Variants in F13A1 observed in about 807,000 individuals in gnomAD.
F13A1 encodes the protein FSF, A subunit.
A neutral mutation model predicts 80.1 loss-of-function variants in F13A1; 47 were observed. That is an observed-to-expected ratio of 0.59 (90% CI 0.46 to 0.75). F13A1 has a LOEUF of 0.75. Among genes scored for constraint, F13A1 ranks in the 30% least tolerant of loss-of-function variants. The probability of loss-of-function intolerance (pLI) is 0.00; values close to 1 mark genes in which losing one functional copy is unlikely to be tolerated. For missense variants in F13A1, 817 were observed against 930.4 expected, an observed-to-expected ratio of 0.88 and a Z score of 1.59; for synonymous variants, 349 against 344.9, an observed-to-expected ratio of 1.01 and a Z score of -0.13.
chr6:6,305,316 T>C (rs1180831170), intron 3 of F13A1, 35 bp downstream of exon 3: 3 of 1,611,894 alleles, frequency 1.9e-6, no homozygotes, highest in Admixed American at 3.3e-5. Context: ...ATGCAACCCA[T>C]GGTGTCAAGA....
chr6:6,281,901 G>A (rs1056625766), intron 3 of F13A1, among the ~76,000 whole-genome samples: 6 of 151,222 alleles, frequency 4.0e-5, no homozygotes, highest in African/African-American at 4.9e-5. Flanking sequence ...GGCTGAGGCA[G>A]GAAAATGGTA....
rs1327212621 is a variant in F13A1 at position 6,250,350 on chromosome 6, G to T, written c.690+461C>A. Among the ~76,000 whole-genome samples the T allele has an allele frequency of 6.6e-6, 1 of 151,114 alleles. No homozygotes were observed. The highest frequency in any genetic ancestry group is 1.5e-5 in the Non-Finnish European group (1 of 67,966). ...AATCTTTCTATGTAAAAGCTCAGTG[G>T]CCCTTCCTTTGATGAAATGATAACA... On this transcript the variant is annotated intron_variant, in intron 5 of 14. Coordinates refer to ENST00000264870, the MANE Select transcript of F13A1 (RefSeq NM_000129.4). This position sits in a 1 kb window ranked among gnomAD's most constrained non-coding sequence, Gnocchi z 4.2.
rs1003905890 is a variant in F13A1 at position 6,299,991 on chromosome 6, T to A, written c.319+5360A>T. Among the ~76,000 whole-genome samples, 5 of 147,454 alleles carry A rather than the reference T, an allele frequency of 3.4e-5. No individual in the cohort carries two copies. In the South Asian group the frequency reaches 6.3e-4, roughly 18 times the overall value. On this transcript the variant is annotated intron_variant, in intron 3 of 14. Coordinates refer to ENST00000264870, the MANE Select transcript of F13A1 (RefSeq NM_000129.4). ...CAGACAGGACACTCAGCTGCAGGTC[T>A]GTTGGAGTACCCTGCCGTGTGAAGT...
intron 3 of F13A1, among the ~76,000 whole-genome samples, chr6:6,298,742 A>G (rs997902639): frequency 1.3e-5 from 2 of 149,882 alleles, no homozygotes; most frequent in African/African-American, 5.1e-5. Flanking sequence ...CATTTAGTCC[A>G]TTTACATTCA....
chr6:6,310,481 C>G (rs1674044), intron 2 of F13A1, among the ~76,000 whole-genome samples: 69,254 of 151,874 alleles, frequency 0.46, 16,817 homozygotes, highest in East Asian at 0.85. Flanking sequence ...GTGGCTGACA[C>G]CAAGTACATT....
chr6:6,283,060 G>A (rs1293516461), intron 3 of F13A1, among the ~76,000 whole-genome samples: 2 of 152,214 alleles, frequency 1.3e-5, no homozygotes, highest in African/African-American at 4.8e-5. Context: ...AATGGGATCT[G>A]TAAAAGTTAT....
rs1761307230 is a variant in F13A1 at position 6,197,219 on chromosome 6, T to G, written c.1216+4A>C. The stretch of plus-strand genomic sequence containing the variant: ...AAGTTCCCAGAGGGAGGACACAGTT[T>G]TACCATCGCTATTTTCCTGGGGGGT... On this transcript the variant is annotated splice_donor_region_variant and intron_variant, in intron 9 of 14. Coordinates refer to ENST00000264870, the MANE Select transcript of F13A1 (RefSeq NM_000129.4). 10 of 1,613,808 alleles carry G rather than the reference T, an allele frequency of 6.2e-6. No individual in the cohort carries two copies. The highest frequency in any genetic ancestry group is 1.7e-5 in the Admixed American group (1 of 60,028).
chr6:6,269,023 T>C (rs180942971), intron 3 of F13A1, among the ~76,000 whole-genome samples: 1 of 152,048 alleles, frequency 6.6e-6, no homozygotes, highest in South Asian at 2.1e-4. Flanking sequence ...TAACTTCTAC[T>C]AGAAAGTAAA....
At chr6:6,223,240 G>T (rs1307406777) in intron 7 of F13A1, among the ~76,000 whole-genome samples, 3 of 152,116 alleles carry the variant, frequency 2.0e-5, no homozygotes, top group Non-Finnish European at 4.4e-5. Context: ...TTGATTTACC[G>T]CCAAAGCCTG....
At chr6:6,159,569 G>A (rs1760537737) in intron 13 of F13A1, among the ~76,000 whole-genome samples, 1 of 152,146 alleles carries the variant, frequency 6.6e-6, no homozygotes, top group Non-Finnish European at 1.5e-5. Context: ...CTTGATGGTT[G>A]GCGAGTGGGC....
chr6:6,258,451 T>TA (rs1757731871), intron 4 of F13A1, among the ~76,000 whole-genome samples: 1 of 152,166 alleles, frequency 6.6e-6, no homozygotes, highest in Non-Finnish European at 1.5e-5. Flanking sequence ...CTTTGAAGCA[T>TA]ATAAGAGACT....
rs121913073 is a variant in F13A1, at chr6:6,224,710, C to A, written c.949G>T (p.Val317Phe). 3.1e-6 allele frequency: 5 copies of A among 1,613,932 alleles called. No individual in the cohort carries two copies. Among genetic ancestry groups the A allele is most frequent in the Non-Finnish European group, 4.2e-6 (5 of 1,179,940 alleles). The change falls in exon 7 of 15, where the codon GTT becomes TTT. Residue 317 changes from valine (V) to phenylalanine (F), a missense_variant. Coordinates refer to ENST00000264870, the MANE Select transcript of F13A1 (RefSeq NM_000129.4). ...CATGTGTTAAAGACACCAGCAAAAACCCAGCATTGGCCATACCGGACTGGA... is the reference window on the plus strand; with the variant it reads ...CATGTGTTAAAGACACCAGCAAAAAACCAGCATTGGCCATACCGGACTGGA... The part of the protein sequence containing the change: ...ENPVRYGQCW[V>F]FAGVFNTFLR...
At chr6:6,272,020 T>C (rs1240276634) in intron 3 of F13A1, among the ~76,000 whole-genome samples, 3 of 152,208 alleles carry the variant, frequency 2.0e-5, no homozygotes, top group African/African-American at 7.2e-5. Flanking sequence ...TTGATATTAG[T>C]ATTCTTCACA....
rs1760385727 is a variant in F13A1 at position 6,151,924 on chromosome 6, G to A, written c.1934C>T (p.Ser645Phe). The change falls in exon 14 of 15, where the codon TCT becomes TTT. Residue 645 changes from serine (S) to phenylalanine (F), a missense_variant. Coordinates refer to ENST00000264870, the MANE Select transcript of F13A1 (RefSeq NM_000129.4). ...AAACTCAACTGTCACAGTCATGTCA[G>A]AACCAACTACCTGAGTGCCACGGAC... ...IKVRGTQVVG[S>F]DMTVTVEFTN... The A allele has an allele frequency of 1.9e-6, 3 of 1,614,072 alleles. No homozygotes were observed. In the East Asian group the frequency reaches 6.7e-5, roughly 36 times the overall value.
rs1758723001 is a variant in F13A1 at position 6,318,623 on chromosome 6, T to A, written c.42A>T (p.Ala14=). The part of the protein sequence containing the change: ...TSRTAFGGRR[A]VPPNNSNAAE... ...CTGCATTAGAGTTATTGGGTGGAAC[T>A]GCTCTTCTGCCTCCAAAGGCGGTCC... Residue 14 remains alanine (A), a synonymous_variant, in exon 2 of 15, where the codon GCA becomes GCT. Coordinates refer to ENST00000264870, the MANE Select transcript of F13A1 (RefSeq NM_000129.4). 1.2e-6 allele frequency: 2 copies of A among 1,613,110 alleles called. No individual in the cohort carries two copies. Among genetic ancestry groups the A allele is most frequent in the Non-Finnish European group, 8.5e-7 (1 of 1,179,914 alleles).
chr6:6,283,552 G>C (rs955767986), intron 3 of F13A1, among the ~76,000 whole-genome samples: 1 of 152,008 alleles, frequency 6.6e-6, no homozygotes, highest in African/African-American at 2.4e-5. Context: ...TTCTTTGTAT[G>C]GTTTGTCTTG....
chr6:6,201,982 G>A (rs1484639165), intron 8 of F13A1, among the ~76,000 whole-genome samples: 3 of 151,924 alleles, frequency 2.0e-5, no homozygotes, highest in East Asian at 1.9e-4. Flanking sequence ...TTGTATAATT[G>A]TATATATTAT....
At position 6,318,659 on chromosome 6, in the gene F13A1, T is replaced by C. The variant is rs1340093962; in HGVS notation, c.6A>G (p.Ser2=). ...CTCCAAAGGCGGTCCTGGAAGTTTC[T>C]GACATTTTTGACTTTACAAGGTCCT... is the stretch of plus-strand genomic sequence containing the variant. M[S]ETSRTAFGGR... is the part of the protein sequence containing the mutation. The change falls in exon 2 of 15, where the codon TCA becomes TCG. Residue 2 remains serine (S), a synonymous_variant. Transcript: ENST00000264870. The C allele has an allele frequency of 1.9e-6, 3 of 1,607,022 alleles. No individual in the cohort carries two copies. Among genetic ancestry groups the C allele is most frequent in the East Asian group, 4.5e-5 (2 of 44,544 alleles).
At chr6:6,189,498 A>G (rs561743284) in intron 10 of F13A1, among the ~76,000 whole-genome samples, 5,001 of 124,204 alleles carry the variant, frequency 0.04, 128 homozygotes, top group Middle Eastern at 0.12. Context: ...AGTTTGGCTG[A>G]ATATGAAATT....
Sources: allele counts gnomAD v4.1 joint callset (sites outside exome capture counted in the v4.1 genomes callset), GRCh38; gene constraint gnomAD v4.1.1; non-coding constraint Gnocchi (gnomAD v3.1); transcripts MANE v1.5; gene names NCBI Gene and HGNC (gene_info 2026-07-23, HGNC 2026-07-21).